NF1: variants seen among roughly 807,000 people sequenced by gnomAD.
The protein encoded by NF1 is neurofibromin 1.
A neutral mutation model predicts 325.7 loss-of-function variants in NF1; 122 were observed. The observed-to-expected ratio is 0.37, with a 90% CI of 0.32 to 0.44. The LOEUF (loss-of-function observed/expected upper bound fraction) is 0.44. Among genes scored for constraint, NF1 ranks in the 20% least tolerant of loss-of-function variants. The probability of loss-of-function intolerance (pLI) is 1.00; values close to 1 mark genes in which losing one functional copy is unlikely to be tolerated. For synonymous variants in NF1, 1,091 were observed against 1,186.0 expected, an observed-to-expected ratio of 0.92 and a Z score of 1.65; for missense variants, 2,140 against 3,415.4, an observed-to-expected ratio of 0.63 and a Z score of 9.31.
chr17:31,358,083 G>T, intron 54 of NF1: 1 of 230,280 alleles, frequency 4.3e-6, no homozygotes, highest in South Asian at 6.2e-5. Flanking sequence ...TTTTTGTTTT[G>T]CACAGATCCT....
At chr17:31,205,167 T>C (rs1442769960) in intron 11 of NF1, among the ~76,000 whole-genome samples, 1 of 152,148 alleles carries the variant, frequency 6.6e-6, no homozygotes, top group Non-Finnish European at 1.5e-5. Context: ...TATAACTCGA[T>C]GCTATTCAAA....
rs771481863 is a variant in NF1, at chr17:31,223,415, T to A, written c.1722-29T>A. ...ATCTGCATTAGGTTATTGATGATGC[T>A]AGTAACAATGAACTTTATGTTACTG... On this transcript the variant is annotated intron_variant, in intron 15 of 57. Coordinates refer to ENST00000358273, the MANE Select transcript of NF1 (RefSeq NM_001042492.3). The A allele has an allele frequency of 4.4e-6, 7 of 1,608,068 alleles. No individual in the cohort carries two copies. In the African/African-American group the frequency reaches 9.4e-5, roughly 22 times the overall value.
rs368732666 is a variant in NF1, at chr17:31,154,406, T to C, written c.61-1577T>C. 2.0e-5 allele frequency among the ~76,000 whole-genome samples: 3 copies of C among 152,160 alleles called. No individual in the cohort carries two copies. In the East Asian group the frequency reaches 5.8e-4, roughly 29 times the overall value. ...TTAGGGAGATTCACCAGCTGCATTT[T>C]ATGAAACCCTAGTTCAAGAAACATA... On this transcript the variant is annotated intron_variant, in intron 1 of 57. Transcript: ENST00000358273.
At chr17:31,102,989 G>T (rs1284675798) in intron 1 of NF1, among the ~76,000 whole-genome samples, 2 of 151,622 alleles carry the variant, frequency 1.3e-5, no homozygotes, top group Non-Finnish European at 2.9e-5. Flanking sequence ...GGCATTACAG[G>T]CACGTACTAC....
intron 36 of NF1, among the ~76,000 whole-genome samples, chr17:31,269,456 A>T (rs1217148810): frequency 6.6e-6 from 1 of 152,242 alleles, no homozygotes; most frequent in Non-Finnish European, 1.5e-5. Flanking sequence ...ATAAATGATG[A>T]TACATTTACA....
At chr17:31,157,695 C>T (rs1388667353) in intron 2 of NF1, among the ~76,000 whole-genome samples, 3 of 151,626 alleles carry the variant, frequency 2.0e-5, no homozygotes, top group African/African-American at 7.3e-5. Context: ...CATGGTGGCT[C>T]ACGCCTGTAA....
chr17:31,129,481 G>C (rs1915169259), intron 1 of NF1, among the ~76,000 whole-genome samples: 1 of 140,532 alleles, frequency 7.1e-6, no homozygotes, highest in Non-Finnish European at 1.5e-5. Context: ...TTTTGAGACA[G>C]AGTAGTGACA....
intron 11 of NF1, among the ~76,000 whole-genome samples, chr17:31,201,825 T>C (rs1325869123): frequency 6.6e-6 from 1 of 152,190 alleles, no homozygotes; most frequent in Non-Finnish European, 1.5e-5. Context: ...TTCAAACATA[T>C]TATTTCAGCA....
chr17:31,267,500 G>A (rs1369525659), intron 36 of NF1, among the ~76,000 whole-genome samples: 2 of 152,120 alleles, frequency 1.3e-5, no homozygotes, highest in Admixed American at 6.5e-5. Flanking sequence ...CACCTGGTGT[G>A]AAGCCTAGCT....
intron 36 of NF1, among the ~76,000 whole-genome samples, chr17:31,278,493 CTTTTTTTTTTTTTTTTTTTTTTT>C (rs200450821): frequency 7.8e-4 from 12 of 15,298 alleles, no homozygotes; most frequent in East Asian, 4.2e-3. Context: ...GTAATTGAAG[CTTTTTTTTTTTTTTTTTTTTTTT>C]TTTTTTTTTT....
At chr17:31,318,356 C>G in intron 36 of NF1, 1 of 1,612,644 alleles carries the variant, frequency 6.2e-7, no homozygotes. Flanking sequence ...TCTTTTCTTT[C>G]CCTTGTAGCT....
intron 1 of NF1, chr17:31,136,722 G>A (rs575987489): frequency 3.9e-5 from 6 of 152,250 alleles, no homozygotes; most frequent in South Asian, 2.1e-4. Context: ...GAGCAGTGAC[G>A]CTGGAATATT....
intron 54 of NF1, 42 bp downstream of exon 54, chr17:31,357,411 C>G (rs2151583628): frequency 6.7e-7 from 1 of 1,488,794 alleles, no homozygotes; most frequent in East Asian, 2.3e-5. Flanking sequence ...TCGTGCCTGT[C>G]TTTAAGTTAA....
At chr17:31,204,902 A>G (rs943000834) in intron 11 of NF1, among the ~76,000 whole-genome samples, 1 of 152,142 alleles carries the variant, frequency 6.6e-6, no homozygotes, top group African/African-American at 2.4e-5. Flanking sequence ...GGGCAAGTCA[A>G]AATTGCTGAG....
chr17:31,163,800 G>C (rs548426015), intron 4 of NF1, among the ~76,000 whole-genome samples: 12 of 152,132 alleles, frequency 7.9e-5, no homozygotes, highest in Admixed American at 7.9e-4. Context: ...TACCCAATTA[G>C]ATGGAATAAT....
Position 31,223,123 on chromosome 17 carries a change from G to A in NF1, c.1722-321G>A, listed in dbSNP as rs2905883. 0.54 allele frequency among the ~76,000 whole-genome samples: 82,180 copies of A among 151,948 alleles called. 25,707 individuals are homozygous for A. The highest frequency in any genetic ancestry group is 0.76 in the Middle Eastern group (222 of 294). On this transcript the variant is annotated intron_variant, in intron 15 of 57. Coordinates refer to ENST00000358273, the MANE Select transcript of NF1 (RefSeq NM_001042492.3). ...CCACTGTGGAGCACTGGGTTTATAG[G>A]CAGTCTCTGCTGTGCATGTGGTTTA...
At chr17:31,368,283 T>C (rs1039755338) in intron 57 of NF1, among the ~76,000 whole-genome samples, 1 of 152,070 alleles carries the variant, frequency 6.6e-6, no homozygotes, top group African/African-American at 2.4e-5. Flanking sequence ...ATTACAGGCA[T>C]GTTCCACCAA....
At chr17:31,343,486 A>T (rs570055458) in intron 48 of NF1, among the ~76,000 whole-genome samples, 1 of 152,326 alleles carries the variant, frequency 6.6e-6, no homozygotes, top group East Asian at 1.9e-4. Context: ...TCGAGGCTAC[A>T]GTGAGCCGTG....
chr17:31,353,445 A>C lies in NF1; in HGVS notation c.7615+1031A>C, dbSNP rs138100438. 7.4e-4 allele frequency among the ~76,000 whole-genome samples: 112 copies of C among 152,294 alleles called. 1 individual carries two copies. Among genetic ancestry groups the C allele is most frequent in the African/African-American group, 2.6e-3 (108 of 41,564 alleles). On this transcript the variant is annotated intron_variant, in intron 51 of 57. Transcript: ENST00000358273. ...CCAGGAGTTCAAGACCAGCCTGGGC[A>C]ACATGACAAAACCCATCTCTACAAA... is the stretch of plus-strand genomic sequence containing the variant.
Sources: allele counts gnomAD v4.1 joint callset (sites outside exome capture counted in the v4.1 genomes callset), GRCh38; gene constraint gnomAD v4.1.1; transcripts MANE v1.5; gene names NCBI Gene and HGNC (gene_info 2026-07-23, HGNC 2026-07-21).